The following RBFOX1 variants were observed in gnomAD, a reference collection of about 807,000 sequenced individuals.
RBFOX1 encodes the protein RNA binding fox-1 homolog 1, also known as RNA binding protein fox-1 homolog 1.
In RBFOX1, 8 loss-of-function variants were observed where a neutral mutation model predicts 57.7. The observed-to-expected ratio is 0.14, with a 90% CI of 0.08 to 0.25. RBFOX1 has a LOEUF of 0.25. Ranked by LOEUF, RBFOX1 falls within the 10% of genes least tolerant of loss-of-function variation. The probability of loss-of-function intolerance (pLI) is 1.00; values close to 1 mark genes in which losing one functional copy is unlikely to be tolerated. For missense variants in RBFOX1, 611 were observed against 548.5 expected (o/e 1.11, Z -1.14); for synonymous variants, 326 against 222.4 (o/e 1.47, Z -4.15).
intron 1 of RBFOX1, among the ~76,000 whole-genome samples, chr16:6,228,165 T>A (rs978144327): frequency 6.6e-6 from 1 of 151,754 alleles, no homozygotes; most frequent in Non-Finnish European, 1.5e-5. Flanking sequence ...ACAAAAAATA[T>A]CTAGGCTTGG....
intron 5 of RBFOX1, among the ~76,000 whole-genome samples, chr16:7,567,857 A>G (rs989138303): frequency 1.4e-5 from 2 of 138,608 alleles, no homozygotes; most frequent in Non-Finnish European, 3.1e-5. Context: ...ATATATATCC[A>G]TATATATACC....
chr16:6,364,799 T>G (rs2152877360), intron 2 of RBFOX1, among the ~76,000 whole-genome samples: 1 of 152,334 alleles, frequency 6.6e-6, no homozygotes, highest in African/African-American at 2.4e-5. Context: ...TGACCTTTTG[T>G]TTCCCTCTGC....
intron 1 of RBFOX1, among the ~76,000 whole-genome samples, chr16:6,160,505 C>T (rs1293153274): frequency 6.6e-6 from 1 of 152,130 alleles, no homozygotes. Context: ...TCACCCTGGG[C>T]AAACACCGTC....
At position 6,019,844 on chromosome 16, in the gene RBFOX1, C is replaced by A; in HGVS notation, c.-275C>A. On this transcript the variant is annotated 5_prime_UTR_variant, in exon 1 of 16. Coordinates refer to ENST00000550418, the MANE Select transcript of RBFOX1 (RefSeq NM_018723.4). The surrounding 1 kb of genome is among the most constrained non-coding windows in gnomAD (Gnocchi z 4.2). ...CGCCAGGGCGGGGCTGACCTGCCCGCGAAGTTGCGGACAGTGCGTGAGAAA... is the reference window on the plus strand; with the variant it reads ...CGCCAGGGCGGGGCTGACCTGCCCGAGAAGTTGCGGACAGTGCGTGAGAAA... 6.6e-7 allele frequency: 1 copy of A among 1,525,436 alleles called. No individual in the cohort carries two copies. Among genetic ancestry groups the A allele is most frequent in the Non-Finnish European group, 8.8e-7 (1 of 1,140,728 alleles). 94.5% of individuals were successfully genotyped at this position (1,525,436 alleles called of 1,614,324 possible). A position where few individuals can be genotyped will look rare whatever the true frequency, so the allele number is the denominator to read the frequency against.
At chr16:7,130,331 A>T (rs1214799667) in intron 4 of RBFOX1, among the ~76,000 whole-genome samples, 1 of 152,172 alleles carries the variant, frequency 6.6e-6, no homozygotes, top group Non-Finnish European at 1.5e-5. Flanking sequence ...CCACCACGCC[A>T]GGCCTGAAGA....
At chr16:7,134,832 A>T (rs1489879892) in intron 4 of RBFOX1, among the ~76,000 whole-genome samples, 3 of 152,098 alleles carry the variant, frequency 2.0e-5, no homozygotes, top group African/African-American at 7.2e-5. Context: ...AATGTTTGTG[A>T]TGGTTACAGT....
intron 3 of RBFOX1, among the ~76,000 whole-genome samples, chr16:6,861,846 GT>G (rs1284339656): frequency 3.6e-4 from 16 of 44,402 alleles, no homozygotes; most frequent in African/African-American, 9.0e-4. Flanking sequence ...TTTTTTTTTG[GT>G]TTTTTTTTTG....
chr16:6,874,311 G>A (rs113441924), intron 3 of RBFOX1, among the ~76,000 whole-genome samples: 4 of 152,066 alleles, frequency 2.6e-5, no homozygotes, highest in African/African-American at 4.8e-5. Flanking sequence ...GGAGTTTTGA[G>A]ACCAGCCTGG....
chr16:6,106,656 TA>T (rs1486543318), intron 1 of RBFOX1, among the ~76,000 whole-genome samples: 1 of 151,984 alleles, frequency 6.6e-6, no homozygotes, highest in Non-Finnish European at 1.5e-5. Context: ...CATAAGGAAT[TA>T]AAATGACTCT....
At chr16:6,759,562 C>T (rs752593656) in intron 3 of RBFOX1, among the ~76,000 whole-genome samples, 12 of 148,208 alleles carry the variant, frequency 8.1e-5, no homozygotes, top group Non-Finnish European at 1.5e-4. Context: ...CTGTTGTTTT[C>T]ATTGTTAGGA....
chr16:5,513,614 C>A (rs550014795), intron 2 of RBFOX1, among the ~76,000 whole-genome samples: 1 of 152,152 alleles, frequency 6.6e-6, no homozygotes. Flanking sequence ...ATTTGGAATT[C>A]TTCTCTATGG....
intron 14 of RBFOX1, among the ~76,000 whole-genome samples, chr16:7,703,351 C>A (rs1353567605): frequency 6.6e-6 from 1 of 152,134 alleles, no homozygotes; most frequent in African/African-American, 2.4e-5. Context: ...TTTCTTGCTG[C>A]CATTTGGCTG....
chr16:6,339,909 C>A (rs950473359), intron 2 of RBFOX1, among the ~76,000 whole-genome samples: 10 of 151,998 alleles, frequency 6.6e-5, no homozygotes, highest in African/African-American at 2.4e-4. Flanking sequence ...GAACTCCAGA[C>A]CTCATGATCC....
Position 7,266,124 on chromosome 16 carries a change from G to A in RBFOX1, c.27+214026G>A, listed in dbSNP as rs563429192. ...CAAGTAGCTGGGACTACAGGCGCTC[G>A]CCAATACACCTGGCTAATTTTTTAT... On this transcript the variant is annotated intron_variant, in intron 4 of 15. Transcript: ENST00000550418. Among the ~76,000 whole-genome samples the A allele has an allele frequency of 1.4e-4, 21 of 151,938 alleles. 1 individual carries two copies. The highest frequency in any genetic ancestry group is 4.2e-4 in the South Asian group (2 of 4,816).
chr16:6,076,546 C>T (rs1308030461), intron 1 of RBFOX1, among the ~76,000 whole-genome samples: 1 of 152,102 alleles, frequency 6.6e-6, no homozygotes, highest in African/African-American at 2.4e-5. Context: ...TAGCTCACTG[C>T]AGCCTCGATC....
intron 3 of RBFOX1, among the ~76,000 whole-genome samples, chr16:6,805,242 C>A (rs892835786): frequency 6.6e-6 from 1 of 152,154 alleles, no homozygotes; most frequent in Non-Finnish European, 1.5e-5. Flanking sequence ...TTTGCAGGAA[C>A]ATGGATGGAG....
At chr16:5,302,920 T>C (rs2063840105) in intron 1 of RBFOX1, among the ~76,000 whole-genome samples, 1 of 152,230 alleles carries the variant, frequency 6.6e-6, no homozygotes, top group African/African-American at 2.4e-5. Context: ...GTTTAGGCCA[T>C]TTATATTTAA....
chr16:6,381,978 T>A (rs2091860933), intron 2 of RBFOX1, among the ~76,000 whole-genome samples: 1 of 152,200 alleles, frequency 6.6e-6, no homozygotes. Flanking sequence ...AGTTTTCCTG[T>A]AAAGGGCCAC....
chr16:6,378,085 C>A (rs1312748034), intron 2 of RBFOX1, among the ~76,000 whole-genome samples: 1 of 152,222 alleles, frequency 6.6e-6, no homozygotes, highest in Non-Finnish European at 1.5e-5. Context: ...AAGAGGGGCT[C>A]CACCCTGTGC....
Sources: gnomAD v4.1 joint callset for allele counts (sites outside exome capture counted in the v4.1 genomes callset) on GRCh38, gnomAD v4.1.1 for gene constraint, Gnocchi (gnomAD v3.1) non-coding constraint, MANE v1.5 for transcripts, NCBI Gene and HGNC (gene_info 2026-07-23, HGNC 2026-07-21) for gene names.